CCSER1: variants seen among roughly 807,000 people sequenced by gnomAD.
The protein encoded by CCSER1 is serine-rich coiled-coil domain-containing protein 1.
A neutral mutation model predicts 82.0 loss-of-function variants in CCSER1; 41 were observed. The ratio of observed to expected loss-of-function variants is 0.50; its 90% confidence interval spans 0.39 to 0.65. The LOEUF is 0.65. Among genes scored for constraint, CCSER1 ranks in the 30% least tolerant of loss-of-function variants. CCSER1 has a pLI of 0.00. For synonymous variants in CCSER1, 414 were observed against 383.9 expected, an observed-to-expected ratio of 1.08 and a Z score of -0.92; for missense variants, 1,119 against 1,064.2, an observed-to-expected ratio of 1.05 and a Z score of -0.72.
chr4:90,862,075 G>C (rs1765180405), intron 8 of CCSER1, among the ~76,000 whole-genome samples: 1 of 151,302 alleles, frequency 6.6e-6, no homozygotes, highest in South Asian at 2.1e-4. Flanking sequence ...AGAATAGGTA[G>C]TTCAAAATCT....
At chr4:91,087,640 T>C (rs1259029259) in intron 10 of CCSER1, among the ~76,000 whole-genome samples, 1 of 152,104 alleles carries the variant, frequency 6.6e-6, no homozygotes, top group Non-Finnish European at 1.5e-5. Context: ...ACAACACTGA[T>C]TTTGGCCTTC....
chr4:91,055,813 A>T (rs1473583126), intron 9 of CCSER1, among the ~76,000 whole-genome samples: 2 of 124,300 alleles, frequency 1.6e-5, no homozygotes, highest in East Asian at 5.4e-4. Flanking sequence ...TCTTTTTGGA[A>T]CTCCTCAGTG....
At chr4:91,360,596 G>A (rs2149311822) in intron 10 of CCSER1, among the ~76,000 whole-genome samples, 1 of 151,844 alleles carries the variant, frequency 6.6e-6, no homozygotes, top group East Asian at 1.9e-4. Context: ...TGGATAGGAT[G>A]CCTTCCATCC....
At chr4:91,094,632 G>T (rs1724315571) in intron 10 of CCSER1, among the ~76,000 whole-genome samples, 2 of 152,110 alleles carry the variant, frequency 1.3e-5, no homozygotes, top group Non-Finnish European at 2.9e-5. Context: ...CTGGGAACCG[G>T]ATACTGCTTT....
chr4:90,576,653 T>C (rs1780810420), intron 5 of CCSER1, among the ~76,000 whole-genome samples: 1 of 152,186 alleles, frequency 6.6e-6, no homozygotes, highest in Non-Finnish European at 1.5e-5. Context: ...TTTCGCTTCA[T>C]AATATGTATT....
At chr4:90,433,455 T>A (rs28672992) in intron 4 of CCSER1, among the ~76,000 whole-genome samples, 2,688 of 152,032 alleles carry the variant, frequency 0.018, 33 homozygotes, top group African/African-American at 0.038. Context: ...CTCTTAAGAG[T>A]CCCCAAGACC....
chr4:90,572,853 A>G (rs1299895615), intron 5 of CCSER1, among the ~76,000 whole-genome samples: 2 of 152,058 alleles, frequency 1.3e-5, no homozygotes, highest in South Asian at 2.1e-4. Context: ...TTGATACCAT[A>G]TTTTGTCTGT....
intron 9 of CCSER1, among the ~76,000 whole-genome samples, chr4:90,959,289 A>G (rs11724350): frequency 0.015 from 2,260 of 152,252 alleles, 40 homozygotes; most frequent in East Asian, 0.045. Context: ...TTATATTTCT[A>G]TAATACGTGT....
intron 3 of CCSER1, among the ~76,000 whole-genome samples, chr4:90,365,495 A>T (rs1187348981): frequency 6.6e-6 from 1 of 151,882 alleles, no homozygotes; most frequent in Non-Finnish European, 1.5e-5. Flanking sequence ...ATTCGTGATA[A>T]TTTTTAAACA....
intron 8 of CCSER1, among the ~76,000 whole-genome samples, chr4:90,893,772 T>TGTGC (rs1554038023): frequency 8.5e-6 from 1 of 118,308 alleles, no homozygotes; most frequent in Non-Finnish European, 1.8e-5. Context: ...TGTGTGTGTG[T>TGTGC]GTGCGTGTGT....
chr4:90,870,898 T>G (rs1014213918), intron 8 of CCSER1, among the ~76,000 whole-genome samples: 1 of 150,954 alleles, frequency 6.6e-6, no homozygotes, highest in South Asian at 2.1e-4. Flanking sequence ...AGATTTTGGT[T>G]TTCTTTATGG....
rs138024717 is a variant in CCSER1, at chr4:90,450,944, G to T, written c.1604-17290G>T. On this transcript the variant is annotated intron_variant, in intron 4 of 10. Coordinates refer to ENST00000509176, the MANE Select transcript of CCSER1 (RefSeq NM_001145065.2). Reference sequence around the variant, plus strand: ...AGAAAAGTCTACACCATTTTGAAGGGACTTAAATCCAGCTTTGAAAGGGTG... The same window carrying T: ...AGAAAAGTCTACACCATTTTGAAGGTACTTAAATCCAGCTTTGAAAGGGTG... 8.5e-5 allele frequency among the ~76,000 whole-genome samples: 13 copies of T among 152,254 alleles called. No individual in the cohort carries two copies. The East Asian group carries it at 2.3e-3, about 27-fold the overall frequency.
chr4:90,292,155 C>G (rs1175862294), intron 1 of CCSER1, among the ~76,000 whole-genome samples: 2 of 151,858 alleles, frequency 1.3e-5, no homozygotes, highest in African/African-American at 4.8e-5. Flanking sequence ...TATCATTTTG[C>G]TCTTTTTTTC....
intron 9 of CCSER1, among the ~76,000 whole-genome samples, chr4:90,956,016 T>C (rs1169291679): frequency 6.6e-6 from 1 of 152,168 alleles, no homozygotes; most frequent in Non-Finnish European, 1.5e-5. Context: ...ATTTGTTTAT[T>C]CTGTGTCTCT....
At chr4:91,472,000 A>G (rs1237674891) in intron 10 of CCSER1, among the ~76,000 whole-genome samples, 1 of 151,940 alleles carries the variant, frequency 6.6e-6, no homozygotes, top group African/African-American at 2.4e-5. Context: ...AAAAAAGAAA[A>G]AAACTAAAGA....
intron 5 of CCSER1, among the ~76,000 whole-genome samples, chr4:90,479,878 T>C (rs1765671583): frequency 6.6e-6 from 1 of 152,200 alleles, no homozygotes; most frequent in South Asian, 2.1e-4. Flanking sequence ...TTATAATCCT[T>C]TGGATATATA....
chr4:90,216,847 G>A lies in CCSER1; in HGVS notation c.-42+89016G>A, dbSNP rs550376522. On this transcript the variant is annotated intron_variant, in intron 1 of 10. Coordinates refer to ENST00000509176, the MANE Select transcript of CCSER1 (RefSeq NM_001145065.2). ...GGTCACTTGGCAACCAACAGGAATAGCATTGAATCTGGAGGTTTCCTTTGG... is the reference window on the plus strand; with the variant it reads ...GGTCACTTGGCAACCAACAGGAATAACATTGAATCTGGAGGTTTCCTTTGG... Among the ~76,000 whole-genome samples, 21 of 152,262 alleles carry A rather than the reference G, an allele frequency of 1.4e-4. 1 individual carries two copies. Among genetic ancestry groups the A allele is most frequent in the African/African-American group, 4.8e-4 (20 of 41,546 alleles).
At chr4:90,274,222 G>C (rs1002225622) in intron 1 of CCSER1, among the ~76,000 whole-genome samples, 4 of 152,014 alleles carry the variant, frequency 2.6e-5, no homozygotes, top group African/African-American at 7.2e-5. Flanking sequence ...CTTTAAGAAA[G>C]GACATTGGTT....
intron 10 of CCSER1, among the ~76,000 whole-genome samples, chr4:91,481,905 A>C (rs1298084257): frequency 1.3e-5 from 2 of 152,186 alleles, no homozygotes; most frequent in Non-Finnish European, 2.9e-5. Flanking sequence ...TAGAATTTAC[A>C]AAGAACTCAA....
Sources: gnomAD v4.1 joint callset for allele counts (sites outside exome capture counted in the v4.1 genomes callset) on GRCh38, gnomAD v4.1.1 for gene constraint, MANE v1.5 for transcripts, NCBI Gene and HGNC (gene_info 2026-07-23, HGNC 2026-07-21) for gene names.